The following AUTS2 variants were observed in gnomAD, a reference collection of about 807,000 sequenced individuals.
The protein encoded by AUTS2 is activator of transcription and developmental regulator AUTS2.
AUTS2 carries 17 observed loss-of-function variants against 112.4 expected under a neutral mutation model. The observed-to-expected ratio is 0.15, with a 90% CI of 0.10 to 0.23. The LOEUF is 0.23. AUTS2 is among the 10% of genes least tolerant of loss of function. AUTS2 has a pLI of 1.00. For missense variants in AUTS2, 1,510 were observed against 1,701.6 expected (o/e 0.89, Z 1.98); for synonymous variants, 751 against 702.7 (o/e 1.07, Z -1.09).
intron 2 of AUTS2, among the ~76,000 whole-genome samples, chr7:70,068,430 C>T (rs899267191): frequency 1.3e-5 from 2 of 151,960 alleles, no homozygotes; most frequent in South Asian, 2.1e-4. Flanking sequence ...GTGATCTGCC[C>T]GCCTTGGCCT....
intron 2 of AUTS2, among the ~76,000 whole-genome samples, chr7:69,997,458 T>A (rs1798997205): frequency 6.6e-6 from 1 of 152,186 alleles, no homozygotes; most frequent in South Asian, 2.1e-4. Flanking sequence ...ACCTGGTGTG[T>A]TAGTCCATTT....
At chr7:70,197,013 CT>C (rs1431209321) in intron 4 of AUTS2, among the ~76,000 whole-genome samples, 11 of 152,250 alleles carry the variant, frequency 7.2e-5, no homozygotes, top group Middle Eastern at 3.4e-3. Flanking sequence ...TTATTAATAA[CT>C]TTTCTTTGTG....
At chr7:69,920,533 G>A (rs1417596772) in intron 2 of AUTS2, among the ~76,000 whole-genome samples, 2 of 152,074 alleles carry the variant, frequency 1.3e-5, no homozygotes, top group African/African-American at 2.4e-5. Context: ...GAATCTACCT[G>A]CCATGGCCTC....
chr7:70,229,709 T>C (rs1384500997), intron 4 of AUTS2, among the ~76,000 whole-genome samples: 1 of 152,182 alleles, frequency 6.6e-6, no homozygotes, highest in Non-Finnish European at 1.5e-5. Context: ...GTGTTTGTTA[T>C]ATTTGAGGTG....
intron 4 of AUTS2, chr7:70,291,002 C>G (rs993793613): frequency 2.0e-5 from 3 of 152,296 alleles, no homozygotes; most frequent in Non-Finnish European, 4.4e-5. Flanking sequence ...TCTGTAAAAC[C>G]ACATATGTAT....
chr7:69,978,777 T>C (rs1798160854), intron 2 of AUTS2, among the ~76,000 whole-genome samples: 1 of 151,616 alleles, frequency 6.6e-6, no homozygotes, highest in African/African-American at 2.4e-5. Context: ...GCTCAGGAGA[T>C]TGAGGCTGCA....
intron 4 of AUTS2, among the ~76,000 whole-genome samples, chr7:70,271,951 A>G (rs1787713278): frequency 6.6e-6 from 1 of 152,224 alleles, no homozygotes; most frequent in African/African-American, 2.4e-5. Flanking sequence ...TGCTGCATAC[A>G]AAATGAGACA....
intron 3 of AUTS2, among the ~76,000 whole-genome samples, chr7:70,124,479 A>C (rs1416005315): frequency 6.6e-6 from 1 of 151,550 alleles, no homozygotes; most frequent in Non-Finnish European, 1.5e-5. Flanking sequence ...CAGGGTTTTT[A>C]TAGTTCTGGG....
intron 5 of AUTS2, among the ~76,000 whole-genome samples, chr7:70,587,236 C>T (rs1041942618): frequency 3.9e-5 from 6 of 152,064 alleles, no homozygotes; most frequent in Admixed American, 6.5e-5. Flanking sequence ...TACCACCATG[C>T]GGGCTAATTT....
intron 1 of AUTS2, among the ~76,000 whole-genome samples, chr7:69,762,605 A>G (rs1788241313): frequency 6.6e-6 from 1 of 151,960 alleles, no homozygotes; most frequent in African/African-American, 2.4e-5. Flanking sequence ...CATTATGCCT[A>G]AACAGCCCAG....
rs1789680597 is a variant in AUTS2 at position 70,763,177 on chromosome 7, C to T, written c.1050C>T (p.Leu350=). 6.2e-7 allele frequency: 1 copy of T among 1,613,852 alleles called. No homozygotes were observed. The highest frequency in any genetic ancestry group is 8.5e-7 in the Non-Finnish European group (1 of 1,179,942). ...CACAGGGCCCTCCTGAGGCCCAGCT[C>T]CAGCCTGCCCCGCAGCCTCAGGTGC... ...QPPQGPPEAQ[L]QPAPQPQVQR... The change falls in exon 7 of 19, where the codon CTC becomes CTT. Residue 350 remains leucine, a synonymous_variant. Transcript: ENST00000342771.
At chr7:70,209,208 G>C (rs1380532804) in intron 4 of AUTS2, among the ~76,000 whole-genome samples, 1 of 152,140 alleles carries the variant, frequency 6.6e-6, no homozygotes, top group African/African-American at 2.4e-5. Context: ...ATTGGACATG[G>C]GATGTAAAGT....
chr7:70,619,652 C>T (rs974077854), intron 5 of AUTS2, among the ~76,000 whole-genome samples: 52 of 151,734 alleles, frequency 3.4e-4, no homozygotes, highest in African/African-American at 1.2e-3. Context: ...TGTCGGGCTG[C>T]CATTTGACCC....
chr7:69,903,080 TA>T (rs998615523), intron 2 of AUTS2, among the ~76,000 whole-genome samples: 1 of 152,156 alleles, frequency 6.6e-6, no homozygotes, highest in Non-Finnish European at 1.5e-5. Context: ...AGACATGATA[TA>T]AAAAAAGTTT....
chr7:70,238,844 ATG>A lies in AUTS2; in HGVS notation c.660+104279_660+104280del, dbSNP rs1812458922. 2.6e-5 allele frequency among the ~76,000 whole-genome samples: 4 copies of A among 151,874 alleles called. No homozygotes were observed. In the South Asian group the frequency reaches 8.3e-4, roughly 32 times the overall value. On this transcript the variant is annotated intron_variant, in intron 4 of 18. Transcript: ENST00000342771. ...TCATCAGAGAGATGTGTTTCTGTGT[ATG>A]TGTGTTTGTGTGTGTGTGTGTACAT... is the stretch of plus-strand genomic sequence containing the variant.
chr7:70,188,950 G>A (rs1562774928), intron 4 of AUTS2, among the ~76,000 whole-genome samples: 1 of 151,918 alleles, frequency 6.6e-6, no homozygotes, highest in African/African-American at 2.4e-5. Flanking sequence ...TTGTCTTCGG[G>A]AATGGAAAGG....
chr7:69,789,759 G>C (rs540535308), intron 1 of AUTS2, among the ~76,000 whole-genome samples: 1 of 152,170 alleles, frequency 6.6e-6, no homozygotes, highest in African/African-American at 2.4e-5. Flanking sequence ...GCCATGGATA[G>C]ACTGTTGTCT....
chr7:69,759,182 A>G (rs1788062232), intron 1 of AUTS2, among the ~76,000 whole-genome samples: 1 of 151,984 alleles, frequency 6.6e-6, no homozygotes, highest in Non-Finnish European at 1.5e-5. Context: ...TATACACTTA[A>G]TTGCTCTGCT....
At chr7:70,774,743 GA>G (rs1422529496) in intron 12 of AUTS2, 1 of 152,446 alleles carries the variant, frequency 6.6e-6, no homozygotes, top group Non-Finnish European at 1.5e-5. Context: ...TACGAAATAT[GA>G]AAAAATCTTT....
Sources: gnomAD v4.1 joint callset for allele counts (sites outside exome capture counted in the v4.1 genomes callset) on GRCh38, gnomAD v4.1.1 for gene constraint, MANE v1.5 for transcripts, NCBI Gene and HGNC (gene_info 2026-07-23, HGNC 2026-07-21) for gene names.